ASIC3: variants seen among roughly 807,000 people sequenced by gnomAD.
ASIC3 encodes acid sensing ion channel subunit 3.
A neutral mutation model predicts 58.6 loss-of-function variants in ASIC3; 46 were observed. The ratio of observed to expected loss-of-function variants is 0.79; its 90% CI spans 0.62 to 1.00. ASIC3 has a LOEUF of 1.00. ASIC3 is among the 50% of genes least tolerant of loss of function. ASIC3 has a pLI of 0.00. For missense variants in ASIC3, 770 were observed against 735.0 expected (o/e 1.05, Z -0.55); for synonymous variants, 336 against 300.2 (o/e 1.12, Z -1.23).
Position 151,051,298 on chromosome 7 carries a change from A to G in ASIC3, c.1193A>G (p.Asn398Ser), listed in dbSNP as rs2150359418. 5 of 1,521,916 alleles carry G rather than the reference A, an allele frequency of 3.3e-6. No individual in the cohort carries two copies. Among genetic ancestry groups the G allele is most frequent in the East Asian group, 5.1e-5 (2 of 39,084 alleles). 94.3% of individuals were successfully genotyped at this position (1,521,916 alleles called of 1,614,324 possible). A position where few individuals can be genotyped will look rare whatever the true frequency, so the allele number is the denominator to read the frequency against. ...GCGCGCTTCCTGGCCCGGAAGCTCA[A>G]CCGCAGCGAGGCCTACATCGCGTGA... ...AAARFLARKL[N>S]RSEAYIAENV... Residue 398 changes from asparagine to serine, a missense_variant, in exon 6 of 11, where the codon AAC (asparagine) becomes AGC (serine). Asn to Ser is a conservative substitution (Grantham distance 46). Transcript: ENST00000349064.
chr7:151,050,091 G>T lies in ASIC3; in HGVS notation c.535-15G>T. On this transcript the variant is annotated splice_polypyrimidine_tract_variant and intron_variant, in intron 1 of 10. Transcript: ENST00000349064. ...GCCTGGGGGAGATGGCCATCACCCT[G>T]TCTGCCCGCCCCAGATCTTCACCCG... 6.2e-7 allele frequency: 1 copy of T among 1,613,872 alleles called. No homozygotes were observed. The highest frequency in any genetic ancestry group is 8.5e-7 in the Non-Finnish European group (1 of 1,179,932).
Position 151,051,300 on chromosome 7 carries a change from C to G in ASIC3, c.1195C>G (p.Arg399Gly). The change falls in exon 6 of 11, where the codon CGC (arginine) becomes GGC (glycine). Residue 399 changes from arginine (R) to glycine (G), a missense_variant. Transcript: ENST00000349064. ...AARFLARKLNRSEAYIAENVL... is the reference protein window; with the variant it reads ...AARFLARKLNGSEAYIAENVL... ...GCGCTTCCTGGCCCGGAAGCTCAAC[C>G]GCAGCGAGGCCTACATCGCGTGAGC... 2 of 1,521,210 alleles carry G rather than the reference C, an allele frequency of 1.3e-6. No individual in the cohort carries two copies. The highest frequency in any genetic ancestry group is 1.2e-5 in the South Asian group (1 of 82,354). The allele number at this position is 1,521,210 out of a possible 1,614,324, so 94.2% of individuals were successfully genotyped here.
chr7:151,048,615 T>A lies in ASIC3; in HGVS notation c.-271T>A, dbSNP rs1376415166. 2.2e-6 allele frequency: 1 copy of A among 447,906 alleles called. No homozygotes were observed. Among genetic ancestry groups the A allele is most frequent in the Non-Finnish European group, 3.9e-6 (1 of 254,228 alleles). 27.7% of individuals were successfully genotyped at this position (447,906 alleles called of 1,614,324 possible). On this transcript the variant is annotated 5_prime_UTR_variant, in exon 1 of 11. Coordinates refer to ENST00000349064, the MANE Select transcript of ASIC3 (RefSeq NM_004769.4). ...CCACGGTCAGCTACGTCCCACCTGG[T>A]CTGCTGCGGAGTCCCCAGCCCAGTG...
At position 151,048,959 on chromosome 7, in the gene ASIC3, C is replaced by G. The variant is rs766347273; in HGVS notation, c.74C>G (p.Ser25Trp). The G allele has an allele frequency of 6.3e-7, 1 of 1,595,932 alleles. No homozygotes were observed. The highest frequency in any genetic ancestry group is 8.6e-7 in the Non-Finnish European group (1 of 1,167,306). ...ATCCGCGTGTTCGCCAGCAACTGCT[C>G]GATGCACGGGCTGGGCCACGTCTTC... ...SDIRVFASNC[S>W]MHGLGHVFGP... Residue 25 changes from serine (S) to tryptophan (W), a missense_variant, in exon 1 of 11, where the codon TCG becomes TGG. By Grantham distance (177) the Ser-to-Trp change is radical. Coordinates refer to ENST00000349064, the MANE Select transcript of ASIC3 (RefSeq NM_004769.4).
Position 151,048,840 on chromosome 7 carries a change from G to C in ASIC3, c.-46G>C, listed in dbSNP as rs368178438. ...TTAGCCCCCTGACTGACTCTCTCTCGCTTCTTCCAAGCCTCTGTAGCTGGT... is the reference window on the plus strand; with the variant it reads ...TTAGCCCCCTGACTGACTCTCTCTCCCTTCTTCCAAGCCTCTGTAGCTGGT... On this transcript the variant is annotated 5_prime_UTR_variant, in exon 1 of 11. Coordinates refer to ENST00000349064, the MANE Select transcript of ASIC3 (RefSeq NM_004769.4). 4 of 1,515,454 alleles carry C rather than the reference G, an allele frequency of 2.6e-6. No homozygotes were observed. Among genetic ancestry groups the C allele is most frequent in the Non-Finnish European group, 2.6e-6 (3 of 1,132,116 alleles). The allele number at this position is 1,515,454 out of a possible 1,614,324, so 93.9% of individuals were successfully genotyped here. A position where few individuals can be genotyped will look rare whatever the true frequency, so the allele number is the denominator to read the frequency against.
rs373281304 is a variant in ASIC3 at position 151,052,143 on chromosome 7, C to T, written c.1387-23C>T. 97 of 1,613,960 alleles carry T rather than the reference C, an allele frequency of 6.0e-5. No individual in the cohort carries two copies. The African/African-American group carries it at 8.1e-4, about 14-fold the overall frequency. ...TGAGGGGGAAGGTGTGCACTGGCCA[C>T]CTCCCATCCTGCTTGCCTCCAGGTG... On this transcript the variant is annotated intron_variant, in intron 8 of 10. Coordinates refer to ENST00000349064, the MANE Select transcript of ASIC3 (RefSeq NM_004769.4). This position sits in a 1 kb window ranked among gnomAD's most constrained non-coding sequence, Gnocchi z 5.0.
At chr7:151,049,982 G>T in intron 1 of ASIC3, 124 bp from the exon 2 acceptor site, 1 of 1,289,262 alleles carries the variant, frequency 7.8e-7, no homozygotes. Context: ...GTGGGGCTGG[G>T]GGCATTGAGA....
In ASIC3 at chr7:151,052,283, G is replaced by A. The variant is rs1228279193; in HGVS notation, c.1458+46G>A. The A allele has an allele frequency of 1.2e-6, 2 of 1,613,618 alleles. No homozygotes were observed. Among genetic ancestry groups the A allele is most frequent in the Non-Finnish European group, 1.7e-6 (2 of 1,179,888 alleles). The stretch of plus-strand genomic sequence containing the variant: ...GCCCTTGCCTGCTCCAAGGGTGCTA[G>A]GGCCCACCCCTGAAGCCTAGACCAC... On this transcript the variant is annotated intron_variant, in intron 9 of 10. Coordinates refer to ENST00000349064, the MANE Select transcript of ASIC3 (RefSeq NM_004769.4). The surrounding 1 kb of genome is among the most constrained non-coding windows in gnomAD (Gnocchi z 5.0).
chr7:151,049,703 G>A (rs773508403), intron 1 of ASIC3, among the ~76,000 whole-genome samples: 19 of 152,236 alleles, frequency 1.2e-4, no homozygotes, highest in Non-Finnish European at 2.1e-4. Context: ...CTGCTCCTGG[G>A]GCTGGGGGTC....
intron 3 of ASIC3, 60 bp downstream of exon 3, chr7:151,050,668 ACCCTCAGCT>A: frequency 6.2e-7 from 1 of 1,609,136 alleles, no homozygotes; most frequent in Non-Finnish European, 8.5e-7. Context: ...CAGACCCTAA[ACCCTCAGCT>A]CCTCAGACCT....
In ASIC3 at chr7:151,052,619, C is replaced by CCACCGCACCTGCTACCTTGTCACA. The variant is rs1796812848; in HGVS notation, c.1566_1589dup (p.His522_Thr529dup). 6.2e-7 allele frequency: 1 copy of CCACCGCACCTGCTACCTTGTCACA among 1,614,070 alleles called. No homozygotes were observed. Among genetic ancestry groups the CCACCGCACCTGCTACCTTGTCACA allele is most frequent in the South Asian group, 1.1e-5 (1 of 91,090 alleles). On this transcript the variant is annotated inframe_insertion, in exon 11 of 11. Transcript: ENST00000349064. The surrounding 1 kb of genome is among the most constrained non-coding windows in gnomAD (Gnocchi z 5.0). ...CCGTCACCAAGACTCTCTCCGCCTC[C>CCACCGCACCTGCTACCTTGTCACA]CACCGCACCTGCTACCTTGTCACAC...
At chr7:151,050,714 T>C in intron 3 of ASIC3, 44 bp from the exon 4 acceptor site, 1 of 1,606,816 alleles carries the variant, frequency 6.2e-7, no homozygotes. Flanking sequence ...CCAGCTGGCC[T>C]CTCACGCTCT....
At position 151,052,078 on chromosome 7, in the gene ASIC3, C is replaced by T; in HGVS notation, c.1386+16C>T. 1.2e-6 allele frequency: 2 copies of T among 1,613,698 alleles called. No homozygotes were observed. Among genetic ancestry groups the T allele is most frequent in the South Asian group, 1.1e-5 (1 of 91,060 alleles). On this transcript the variant is annotated intron_variant, in intron 8 of 10. Coordinates refer to ENST00000349064, the MANE Select transcript of ASIC3 (RefSeq NM_004769.4). The surrounding 1 kb of genome is among the most constrained non-coding windows in gnomAD (Gnocchi z 5.0). ...CCTCTGTGAGGTGGGCCAGGGCCCCCACTGCAGGGGGTGGGAGGTGGGAAT... is the reference window on the plus strand; with the variant it reads ...CCTCTGTGAGGTGGGCCAGGGCCCCTACTGCAGGGGGTGGGAGGTGGGAAT...
intron 6 of ASIC3, among the ~76,000 whole-genome samples, 165 bp downstream of exon 6, chr7:151,051,484 C>T (rs1796778338): frequency 6.7e-6 from 1 of 149,858 alleles, no homozygotes; most frequent in African/African-American, 2.5e-5. Flanking sequence ...TTTCTGGCCC[C>T]GGGGGATGCT....
Position 151,052,340 on chromosome 7 carries a change from G to A in ASIC3, c.1459-76G>A. 2 of 1,612,620 alleles carry A rather than the reference G, an allele frequency of 1.2e-6. No individual in the cohort carries two copies. Among genetic ancestry groups the A allele is most frequent in the Non-Finnish European group, 1.7e-6 (2 of 1,179,398 alleles). ...GCCCCAGCTGAGGAGAAACAGGCAGGAGGGTGTGCAGTGACCTCGACTGGT... is the reference window on the plus strand; with the variant it reads ...GCCCCAGCTGAGGAGAAACAGGCAGAAGGGTGTGCAGTGACCTCGACTGGT... On this transcript the variant is annotated intron_variant, in intron 9 of 10. Coordinates refer to ENST00000349064, the MANE Select transcript of ASIC3 (RefSeq NM_004769.4). This position sits in a 1 kb window ranked among gnomAD's most constrained non-coding sequence, Gnocchi z 5.0.
rs377194887 is a variant in ASIC3, at chr7:151,048,855, C to T, written c.-31C>T. 6.5e-7 allele frequency: 1 copy of T among 1,529,074 alleles called. No homozygotes were observed. Among genetic ancestry groups the T allele is most frequent in the Non-Finnish European group, 8.8e-7 (1 of 1,137,776 alleles). 94.7% of individuals were successfully genotyped at this position (1,529,074 alleles called of 1,614,324 possible). A position where few individuals can be genotyped will look rare whatever the true frequency, so the allele number is the denominator to read the frequency against. The stretch of plus-strand genomic sequence containing the variant: ...ACTCTCTCTCGCTTCTTCCAAGCCT[C>T]TGTAGCTGGTTCCGCTCCTGGGTTC... On this transcript the variant is annotated 5_prime_UTR_variant, in exon 1 of 11. Coordinates refer to ENST00000349064, the MANE Select transcript of ASIC3 (RefSeq NM_004769.4).
chr7:151,052,105 A>G lies in ASIC3; in HGVS notation c.1386+43A>G, dbSNP rs1796797052. ...CTGCAGGGGGTGGGAGGTGGGAATC[A>G]GGGCCCCTAGGATGAGGGGGAAGGT... On this transcript the variant is annotated intron_variant, in intron 8 of 10. Transcript: ENST00000349064. The surrounding 1 kb of genome is among the most constrained non-coding windows in gnomAD (Gnocchi z 5.0). 6.2e-7 allele frequency: 1 copy of G among 1,613,698 alleles called. No homozygotes were observed. The highest frequency in any genetic ancestry group is 8.5e-7 in the Non-Finnish European group (1 of 1,179,790).
At position 151,048,949 on chromosome 7, in the gene ASIC3, A is replaced by G. The variant is rs368421125; in HGVS notation, c.64A>G (p.Ser22Gly). Residue 22 changes from serine (S) to glycine (G), a missense_variant, in exon 1 of 11, where the codon AGC (serine) becomes GGC (glycine). Physicochemically the swap from Ser to Gly is moderately conservative, Grantham distance 56. Transcript: ENST00000349064. ...AGCCTCGGACATCCGCGTGTTCGCC[A>G]GCAACTGCTCGATGCACGGGCTGGG... is the stretch of plus-strand genomic sequence containing the variant. Reference protein sequence around the residue: ...RPASDIRVFASNCSMHGLGHV... With the variant: ...RPASDIRVFAGNCSMHGLGHV... 4.7e-5 allele frequency: 74 copies of G among 1,589,762 alleles called. No homozygotes were observed. The East Asian group carries it at 9.9e-4, about 21-fold the overall frequency.
intron 6 of ASIC3, 49 bp downstream of exon 6, chr7:151,051,368 G>C: frequency 7.0e-7 from 1 of 1,423,562 alleles, no homozygotes; most frequent in Non-Finnish European, 9.1e-7. Flanking sequence ...GGCTCCCGAC[G>C]GGGCGGAACG....
Sources: allele counts gnomAD v4.1 joint callset (sites outside exome capture counted in the v4.1 genomes callset), GRCh38; gene constraint gnomAD v4.1.1; non-coding constraint Gnocchi (gnomAD v3.1); transcripts MANE v1.5; gene names NCBI Gene and HGNC (gene_info 2026-07-23, HGNC 2026-07-21).